HPSE2: variants seen among roughly 807,000 people sequenced by gnomAD.
The protein encoded by HPSE2 is heparanase 2 (inactive), also known as inactive heparanase-2.
HPSE2 carries 38 observed loss-of-function variants against 60.5 expected under a neutral mutation model. That is an observed-to-expected ratio of 0.63 (90% CI 0.48 to 0.82). HPSE2 has a LOEUF of 0.82. Ranked by LOEUF, HPSE2 falls within the 40% of genes least tolerant of loss-of-function variation. The pLI is 0.00. For missense variants in HPSE2, 713 were observed against 740.4 expected (o/e 0.96, Z 0.43); for synonymous variants, 295 against 293.2 (o/e 1.01, Z -0.06).
At chr10:98,757,624 C>A (rs1324949496) in intron 3 of HPSE2, among the ~76,000 whole-genome samples, 3 of 151,798 alleles carry the variant, frequency 2.0e-5, no homozygotes, top group Non-Finnish European at 4.4e-5. Context: ...AGACAGCTAA[C>A]CAGAGAAATG....
the HPSE2 span, among the ~76,000 whole-genome samples, chr10:99,288,748 C>CAAAAAA: frequency 4.4e-3 from 331 of 74,932 alleles, no homozygotes; most frequent in Non-Finnish European, 4.9e-3. Context: ...CAGCCTCAAG[C>CAAAAAA]AAAAAAAAAA....
intron 3 of HPSE2, among the ~76,000 whole-genome samples, chr10:99,078,392 T>A (rs1189032181): frequency 6.6e-6 from 1 of 152,222 alleles, no homozygotes; most frequent in Non-Finnish European, 1.5e-5. Flanking sequence ...TATTTGCATA[T>A]AATCTATGCA....
At chr10:98,794,847 G>A (rs911171731) in intron 3 of HPSE2, among the ~76,000 whole-genome samples, 2 of 151,892 alleles carry the variant, frequency 1.3e-5, no homozygotes, top group South Asian at 4.2e-4. Context: ...TGCTTTAAAC[G>A]ATTGCAAAAA....
At chr10:98,883,567 G>A (rs1439150092) in intron 3 of HPSE2, among the ~76,000 whole-genome samples, 1 of 152,064 alleles carries the variant, frequency 6.6e-6, no homozygotes, top group Admixed American at 6.6e-5. Flanking sequence ...CAATTTGGGA[G>A]GCTGAGGCAG....
intron 3 of HPSE2, among the ~76,000 whole-genome samples, chr10:98,979,607 A>C (rs1350814392): frequency 6.6e-6 from 1 of 152,206 alleles, no homozygotes; most frequent in Non-Finnish European, 1.5e-5. Context: ...TTACTAAACA[A>C]GGTTATGTAT....
chr10:98,914,252 C>A (rs542327996), intron 3 of HPSE2, among the ~76,000 whole-genome samples: 5 of 152,138 alleles, frequency 3.3e-5, no homozygotes, highest in Non-Finnish European at 1.5e-5. Context: ...TGCCTGCCAC[C>A]ATCCACGTAA....
In HPSE2 at chr10:99,206,735, T is replaced by C. The variant is rs565723402; in HGVS notation, c.448+25613A>G. On this transcript the variant is annotated intron_variant, in intron 2 of 11. Coordinates refer to ENST00000370552, the MANE Select transcript of HPSE2 (RefSeq NM_021828.5). ...TGAAATTATCTTTTAAAATTAAACA[T>C]AAATTCTGGAGCTTAAAAAATACAA... is the stretch of plus-strand genomic sequence containing the variant. Among the ~76,000 whole-genome samples the C allele has an allele frequency of 2.6e-5, 4 of 151,920 alleles. No individual in the cohort carries two copies. The East Asian group carries it at 7.7e-4, about 29-fold the overall frequency.
intron 3 of HPSE2, among the ~76,000 whole-genome samples, chr10:99,054,903 AG>A (rs929378166): frequency 6.6e-6 from 1 of 151,960 alleles, no homozygotes; most frequent in African/African-American, 2.4e-5. Context: ...TAGTAGAGAC[AG>A]GGTTTTACTA....
At position 98,726,570 on chromosome 10, in the gene HPSE2, G is replaced by A. The variant is rs778178966; in HGVS notation, c.785-4742C>T. ...TTAATGGGTGCAGCACACCAACATG[G>A]CATATGTATACATATGTAAAAAACC... On this transcript the variant is annotated intron_variant, in intron 4 of 11. Transcript: ENST00000370552. Among the ~76,000 whole-genome samples, 52 of 150,612 alleles carry A rather than the reference G, an allele frequency of 3.5e-4. 1 individual carries two copies. Among genetic ancestry groups the A allele is most frequent in the South Asian group, 8.4e-4 (4 of 4,770 alleles).
intron 3 of HPSE2, among the ~76,000 whole-genome samples, chr10:99,090,776 G>A (rs1307381283): frequency 3.3e-5 from 5 of 151,722 alleles, no homozygotes; most frequent in African/African-American, 1.2e-4. Flanking sequence ...TCAAAGATCT[G>A]TCTACCTCAA....
chr10:98,994,325 T>C (rs1321166183), intron 3 of HPSE2, among the ~76,000 whole-genome samples: 1 of 152,038 alleles, frequency 6.6e-6, no homozygotes, highest in Non-Finnish European at 1.5e-5. Flanking sequence ...CCTAGGTATA[T>C]ATAGGAGAGC....
rs111983278 is a variant in HPSE2 at position 98,600,195 on chromosome 10, A to C, written c.1320+14709T>G. 4.3e-3 allele frequency among the ~76,000 whole-genome samples: 654 copies of C among 152,342 alleles called. 3 individuals are homozygous for C. Among genetic ancestry groups the C allele is most frequent in the African/African-American group, 0.015 (630 of 41,588 alleles). On this transcript the variant is annotated intron_variant, in intron 9 of 11. Transcript: ENST00000370552. The stretch of plus-strand genomic sequence containing the variant: ...CCTACCCTCAAGGAGCTTATATTCT[A>C]GGAAGGGAAATAATGACAAGTTTAC...
At position 98,672,270 on chromosome 10, in the gene HPSE2, C is replaced by T. The variant is rs114398702; in HGVS notation, c.1004+21630G>A. On this transcript the variant is annotated intron_variant, in intron 6 of 11. Transcript: ENST00000370552. Reference sequence around the variant, plus strand: ...AGCTATCCACCTTCATACCAAAATACGAGCAGAAAACCACAGTTATGCTGC... The same window carrying T: ...AGCTATCCACCTTCATACCAAAATATGAGCAGAAAACCACAGTTATGCTGC... 3.0e-3 allele frequency among the ~76,000 whole-genome samples: 454 copies of T among 152,208 alleles called. 1 individual carries two copies. Among genetic ancestry groups the T allele is most frequent in the African/African-American group, 0.01 (434 of 41,528 alleles).
At chr10:98,667,591 G>A (rs1947398593) in intron 6 of HPSE2, among the ~76,000 whole-genome samples, 1 of 152,100 alleles carries the variant, frequency 6.6e-6, no homozygotes, top group East Asian at 1.9e-4. Flanking sequence ...AATCAAGTAG[G>A]CATTATTCCT....
intron 3 of HPSE2, among the ~76,000 whole-genome samples, chr10:98,939,519 C>G (rs1302964889): frequency 7.0e-6 from 1 of 143,708 alleles, no homozygotes; most frequent in Non-Finnish European, 1.5e-5. Context: ...ATCAATTCAA[C>G]AAGAAGAGCT....
chr10:98,507,275 C>T (rs1354072489), intron 9 of HPSE2, among the ~76,000 whole-genome samples: 1 of 152,034 alleles, frequency 6.6e-6, no homozygotes, highest in African/African-American at 2.4e-5. Flanking sequence ...TATTATTTTG[C>T]TTTAAAAGTA....
intron 9 of HPSE2, among the ~76,000 whole-genome samples, chr10:98,529,259 G>A (rs938021532): frequency 6.6e-6 from 1 of 152,106 alleles, no homozygotes; most frequent in African/African-American, 2.4e-5. Context: ...TTTTATTTTT[G>A]TTGTGTTGAG....
chr10:98,536,814 C>T (rs1334321820), intron 9 of HPSE2, among the ~76,000 whole-genome samples: 5 of 152,044 alleles, frequency 3.3e-5, no homozygotes, highest in African/African-American at 1.2e-4. Context: ...AGAGTTTACT[C>T]AGAGGAAAAC....
chr10:99,036,417 A>T (rs1957611462), intron 3 of HPSE2, among the ~76,000 whole-genome samples: 1 of 152,134 alleles, frequency 6.6e-6, no homozygotes, highest in African/African-American at 2.4e-5. Flanking sequence ...ACAGGTGTCA[A>T]CCTGAAGGAA....
Sources: gnomAD v4.1 joint callset for allele counts (sites outside exome capture counted in the v4.1 genomes callset) on GRCh38, gnomAD v4.1.1 for gene constraint, MANE v1.5 for transcripts, NCBI Gene and HGNC (gene_info 2026-07-23, HGNC 2026-07-21) for gene names.